Variants in PATJ observed in about 807,000 individuals in gnomAD.
PATJ encodes the protein inaD-like protein.
Under a neutral mutation model 224.9 loss-of-function variants are expected in PATJ, and 190 were observed. The ratio of observed to expected loss-of-function variants is 0.84; its 90% CI spans 0.75 to 0.95. The LOEUF (loss-of-function observed/expected upper bound fraction) is 0.95, where lower values mean the gene tolerates loss of function less well. PATJ is among the 40% of genes least tolerant of loss of function. The pLI, the probability that PATJ is intolerant of heterozygous loss-of-function variation, is 0.00. For synonymous variants in PATJ, 769 were observed against 820.3 expected, an observed-to-expected ratio of 0.94 and a Z score of 1.07; for missense variants, 2,121 against 2,270.3, an observed-to-expected ratio of 0.93 and a Z score of 1.34.
chr1:61,921,045 T>G (rs995950825), intron 26 of PATJ, among the ~76,000 whole-genome samples: 4 of 152,140 alleles, frequency 2.6e-5, no homozygotes, highest in Admixed American at 2.0e-4. Context: ...TTTCCTCTTT[T>G]TCTCTTCCAC....
At chr1:61,762,815 A>G in intron 1 of PATJ, 43 bp from the exon 2 acceptor site, 1 of 843,362 alleles carries the variant, frequency 1.2e-6, no homozygotes, top group Non-Finnish European at 1.9e-6. Flanking sequence ...GTAGCCATAT[A>G]CAATTGAAAT....
At chr1:62,137,399 G>A (rs1273220245) in intron 41 of PATJ, among the ~76,000 whole-genome samples, 1 of 100,178 alleles carries the variant, frequency 1.0e-5, no homozygotes, top group Non-Finnish European at 2.0e-5. Flanking sequence ...GGGGAACATA[G>A]AATGAGGGGG....
chr1:61,855,296 C>T (rs1663475298), intron 17 of PATJ, among the ~76,000 whole-genome samples: 1 of 152,144 alleles, frequency 6.6e-6, no homozygotes, highest in African/African-American at 2.4e-5. Flanking sequence ...TATCAATCAC[C>T]AAAAATTTTA....
intron 28 of PATJ, 21 bp downstream of exon 28, chr1:61,990,385 A>T (rs754046947): frequency 1.3e-6 from 2 of 1,581,642 alleles, no homozygotes; most frequent in South Asian, 1.2e-5. Flanking sequence ...TGTGTTTTTA[A>T]CTTATCTTTT....
chr1:62,151,269 G>A (rs1190624931), intron 42 of PATJ, among the ~76,000 whole-genome samples: 1 of 152,062 alleles, frequency 6.6e-6, no homozygotes, highest in Non-Finnish European at 1.5e-5. Context: ...TGGTAACAAT[G>A]TGAACCAGCT....
chr1:61,947,075 A>G lies in PATJ; in HGVS notation c.3670+19246A>G, dbSNP rs147037514. On this transcript the variant is annotated intron_variant, in intron 27 of 43. Coordinates refer to ENST00000642238, the MANE Select transcript of PATJ (RefSeq NM_001350145.3). ...TATTGATGGGATGTATCTCAAAATA[A>G]TAAGAGCTATTTATGACAAACCCAC... is the stretch of plus-strand genomic sequence containing the variant. 6.6e-3 allele frequency among the ~76,000 whole-genome samples: 1,005 copies of G among 152,326 alleles called. 11 individuals are homozygous for G. The highest frequency in any genetic ancestry group is 0.025 in the South Asian group (119 of 4,820).
intron 40 of PATJ, among the ~76,000 whole-genome samples, chr1:62,128,640 C>A (rs1414342213): frequency 6.6e-6 from 1 of 152,158 alleles, no homozygotes; most frequent in Non-Finnish European, 1.5e-5. Flanking sequence ...ATGTGACCCC[C>A]TTCTTGTTGC....
chr1:62,067,986 A>C (rs1656765037), intron 31 of PATJ, among the ~76,000 whole-genome samples: 1 of 152,090 alleles, frequency 6.6e-6, no homozygotes, highest in South Asian at 2.1e-4. Context: ...TTTTTTGTAG[A>C]GATGGGGTTT....
chr1:62,039,646 G>T (rs915615437), intron 30 of PATJ, among the ~76,000 whole-genome samples: 5 of 152,192 alleles, frequency 3.3e-5, no homozygotes, highest in Non-Finnish European at 2.9e-5. Context: ...CGAAACACAG[G>T]TTATCAAGAA....
At chr1:61,899,872 T>C (rs918293553) in intron 23 of PATJ, among the ~76,000 whole-genome samples, 3 of 152,246 alleles carry the variant, frequency 2.0e-5, no homozygotes, top group Admixed American at 2.0e-4. Context: ...TTTGATACTC[T>C]TTCAGAGAAA....
At chr1:62,107,222 C>T (rs1461202367) in intron 33 of PATJ, among the ~76,000 whole-genome samples, 2 of 151,786 alleles carry the variant, frequency 1.3e-5, no homozygotes, top group East Asian at 3.9e-4. Flanking sequence ...AGGAGAATGG[C>T]GTGAACCCAG....
intron 20 of PATJ, among the ~76,000 whole-genome samples, chr1:61,869,523 AT>A (rs1196193488): frequency 1.3e-5 from 2 of 152,132 alleles, no homozygotes; most frequent in Non-Finnish European, 2.9e-5. Flanking sequence ...TGATAGCCTC[AT>A]TTCCTAGAAC....
chr1:62,095,510 A>T (rs1661291778), intron 33 of PATJ, among the ~76,000 whole-genome samples: 1 of 152,368 alleles, frequency 6.6e-6, no homozygotes, highest in South Asian at 2.1e-4. Context: ...ATATAAGCAT[A>T]AAAATACATG....
intron 18 of PATJ, among the ~76,000 whole-genome samples, chr1:61,859,338 G>C (rs1317427823): frequency 1.3e-5 from 2 of 152,188 alleles, no homozygotes; most frequent in African/African-American, 2.4e-5. Context: ...GCCTCCCTCA[G>C]TGAGTCCAAG....
At chr1:61,777,703 C>CTTTTTTTTTTTTTTTTTTTTTTTTTTT (rs66470863) in intron 7 of PATJ, among the ~76,000 whole-genome samples, 3 of 48,744 alleles carry the variant, frequency 6.2e-5, no homozygotes, top group African/African-American at 2.1e-4. Flanking sequence ...TTCTTTCTTT[C>CTTTTTTTTTTTTTTTTTTTTTTTTTTT]TTTTTTTTTT....
intron 31 of PATJ, among the ~76,000 whole-genome samples, chr1:62,077,686 CAAAAAA>C (rs11439364): frequency 8.3e-4 from 74 of 89,152 alleles, no homozygotes; most frequent in African/African-American, 2.1e-3. Flanking sequence ...AGACCCTGTC[CAAAAAA>C]AAAAAAAAAA....
At chr1:61,861,859 T>C (rs1570952964) in intron 19 of PATJ, among the ~76,000 whole-genome samples, 192 bp downstream of exon 19, 1 of 151,378 alleles carries the variant, frequency 6.6e-6, no homozygotes, top group Non-Finnish European at 1.5e-5. Flanking sequence ...TAATCCTCCT[T>C]TCTCTCTCTC....
intron 34 of PATJ, among the ~76,000 whole-genome samples, chr1:62,110,432 C>G (rs1026458723): frequency 6.6e-6 from 1 of 152,166 alleles, no homozygotes; most frequent in Non-Finnish European, 1.5e-5. Context: ...AAACAATGCC[C>G]TTTGCACTCG....
chr1:62,154,438 G>A (rs956035409), intron 43 of PATJ, among the ~76,000 whole-genome samples: 6 of 151,954 alleles, frequency 3.9e-5, no homozygotes, highest in Admixed American at 2.0e-4. Context: ...GGAGCCTGAG[G>A]TGGGTGGATC....
Sources: gnomAD v4.1 joint callset for allele counts (sites outside exome capture counted in the v4.1 genomes callset) on GRCh38, gnomAD v4.1.1 for gene constraint, MANE v1.5 for transcripts, NCBI Gene and HGNC (gene_info 2026-07-23, HGNC 2026-07-21) for gene names.